Variants in ERBB4 observed in about 807,000 individuals in gnomAD.
The protein encoded by ERBB4 is receptor tyrosine-protein kinase erbB-4.
Under a neutral mutation model 158.0 loss-of-function variants are expected in ERBB4, and 42 were observed. The observed-to-expected ratio is 0.27, with a 90% CI of 0.21 to 0.34. The LOEUF (loss-of-function observed/expected upper bound fraction) is 0.34. Ranked by LOEUF, ERBB4 falls within the 10% of genes least tolerant of loss-of-function variation. The pLI, the probability that ERBB4 is intolerant of heterozygous loss-of-function variation, is 1.00. For missense variants in ERBB4, 1,333 were observed against 1,624.1 expected (o/e 0.82, Z 3.08); for synonymous variants, 583 against 558.7 (o/e 1.04, Z -0.61).
At chr2:212,458,401 G>A (rs1204022178) in intron 1 of ERBB4, among the ~76,000 whole-genome samples, 1 of 152,080 alleles carries the variant, frequency 6.6e-6, no homozygotes, top group Admixed American at 6.6e-5. Flanking sequence ...CATTCAAGTA[G>A]AGAAAGGTGC....
At chr2:212,136,697 C>G (rs2080281834) in intron 1 of ERBB4, among the ~76,000 whole-genome samples, 1 of 152,134 alleles carries the variant, frequency 6.6e-6, no homozygotes, top group Non-Finnish European at 1.5e-5. Context: ...CTCCACTGTT[C>G]CAAGTTATCT....
chr2:211,420,028 A>G (rs1219220579), intron 25 of ERBB4, among the ~76,000 whole-genome samples: 1 of 152,036 alleles, frequency 6.6e-6, no homozygotes, highest in Non-Finnish European at 1.5e-5. Context: ...AGTGAAAGAG[A>G]TTTATACTTG....
intron 1 of ERBB4, among the ~76,000 whole-genome samples, chr2:212,266,139 C>T (rs1337780258): frequency 6.6e-6 from 1 of 151,842 alleles, no homozygotes; most frequent in Non-Finnish European, 1.5e-5. Context: ...CTTCCCCCTT[C>T]CTTTGCCCTT....
intron 1 of ERBB4, among the ~76,000 whole-genome samples, chr2:212,427,336 G>T (rs1421966418): frequency 3.9e-5 from 6 of 152,120 alleles, no homozygotes; most frequent in African/African-American, 1.4e-4. Flanking sequence ...TTATCATATT[G>T]TCAGTCCTGG....
intron 2 of ERBB4, among the ~76,000 whole-genome samples, chr2:212,069,150 T>C (rs2078033833): frequency 6.6e-6 from 1 of 152,054 alleles, no homozygotes; most frequent in South Asian, 2.1e-4. Flanking sequence ...AAAAAATTAA[T>C]ACACTTATGA....
intron 14 of ERBB4, among the ~76,000 whole-genome samples, chr2:211,672,935 T>A (rs2105938053): frequency 6.6e-6 from 1 of 152,306 alleles, no homozygotes; most frequent in East Asian, 1.9e-4. Context: ...ATCTTATAAT[T>A]CCATTTAACT....
chr2:211,579,508 C>T (rs1350442415), intron 19 of ERBB4, among the ~76,000 whole-genome samples: 5 of 152,014 alleles, frequency 3.3e-5, no homozygotes, highest in Middle Eastern at 3.2e-3. Flanking sequence ...TCTATGTTGA[C>T]CGCAGCACTA....
At chr2:212,223,732 T>C (rs1178919235) in intron 1 of ERBB4, among the ~76,000 whole-genome samples, 2 of 151,714 alleles carry the variant, frequency 1.3e-5, no homozygotes, top group African/African-American at 2.4e-5. Flanking sequence ...TTCTTAAAAA[T>C]TATTTTTAAT....
In ERBB4 at chr2:212,321,557, G is replaced by A. The variant is rs147964207; in HGVS notation, c.83-196654C>T. ...TACAACAAAACATTTTGATTAGCTG[G>A]GCATTGTGGCACATGCCTATACTTC... On this transcript the variant is annotated intron_variant, in intron 1 of 27. Coordinates refer to ENST00000342788, the MANE Select transcript of ERBB4 (RefSeq NM_005235.3). Among the ~76,000 whole-genome samples the A allele has an allele frequency of 3.3e-5, 5 of 150,280 alleles. 1 individual carries two copies. The highest frequency in any genetic ancestry group is 1.2e-4 in the African/African-American group (5 of 41,288).
At chr2:212,350,541 A>G (rs1183858136) in intron 1 of ERBB4, among the ~76,000 whole-genome samples, 3 of 152,216 alleles carry the variant, frequency 2.0e-5, no homozygotes, top group African/African-American at 7.2e-5. Flanking sequence ...GAATGGCTCA[A>G]AAGTAATAAG....
At chr2:212,124,955 C>T (rs778090258) in intron 1 of ERBB4, 52 bp from the exon 2 acceptor site, 21 of 1,579,442 alleles carry the variant, frequency 1.3e-5, no homozygotes, top group East Asian at 9.0e-5. Flanking sequence ...ATATGATATG[C>T]GCAATGATAA....
chr2:211,718,216 G>A (rs538908134), intron 7 of ERBB4, among the ~76,000 whole-genome samples: 1 of 152,128 alleles, frequency 6.6e-6, no homozygotes, highest in East Asian at 1.9e-4. Context: ...CTGGCCAGAA[G>A]ATATAATTTT....
intron 5 of ERBB4, among the ~76,000 whole-genome samples, chr2:211,737,464 G>A (rs2074638494): frequency 6.6e-6 from 1 of 152,146 alleles, no homozygotes; most frequent in African/African-American, 2.4e-5. Context: ...GTTGGAATGA[G>A]ATAATACATG....
At chr2:212,462,341 T>C (rs1038545112) in intron 1 of ERBB4, among the ~76,000 whole-genome samples, 2 of 152,172 alleles carry the variant, frequency 1.3e-5, no homozygotes, top group African/African-American at 4.8e-5. Context: ...GAGAGAATAT[T>C]TGCAAACTAT....
chr2:211,715,698 G>C (rs554435963), intron 7 of ERBB4, among the ~76,000 whole-genome samples: 7 of 152,172 alleles, frequency 4.6e-5, no homozygotes, highest in Non-Finnish European at 1.0e-4. Flanking sequence ...TCTTCCTCCT[G>C]CTCTGGCCAT....
At chr2:212,459,882 C>T (rs747823142) in intron 1 of ERBB4, among the ~76,000 whole-genome samples, 27 of 152,100 alleles carry the variant, frequency 1.8e-4, no homozygotes, top group South Asian at 4.2e-4. Flanking sequence ...AACTGGATAC[C>T]CATATGGAAA....
intron 2 of ERBB4, among the ~76,000 whole-genome samples, chr2:211,965,008 A>G (rs2081273609): frequency 6.6e-6 from 1 of 152,166 alleles, no homozygotes; most frequent in Non-Finnish European, 1.5e-5. Context: ...GATTTGTTCA[A>G]CTATAGGACA....
intron 25 of ERBB4, among the ~76,000 whole-genome samples, chr2:211,413,616 C>T (rs986740985): frequency 7.2e-5 from 11 of 152,028 alleles, no homozygotes; most frequent in African/African-American, 1.2e-4. Flanking sequence ...ACAAAATTCT[C>T]GCACTATATC....
At chr2:212,268,578 G>A (rs1339200206) in intron 1 of ERBB4, among the ~76,000 whole-genome samples, 1 of 151,786 alleles carries the variant, frequency 6.6e-6, no homozygotes, top group Admixed American at 6.6e-5. Context: ...CTATTTCAAG[G>A]GTCAAGAAAC....
Sources: allele counts gnomAD v4.1 joint callset (sites outside exome capture counted in the v4.1 genomes callset), GRCh38; gene constraint gnomAD v4.1.1; transcripts MANE v1.5; gene names NCBI Gene and HGNC (gene_info 2026-07-23, HGNC 2026-07-21).